The following EZH2 variants were observed in gnomAD, a reference collection of about 807,000 sequenced individuals.
EZH2 encodes the protein histone-lysine N-methyltransferase EZH2.
Under a neutral mutation model 98.4 loss-of-function variants are expected in EZH2, and 18 were observed. That is an observed-to-expected ratio of 0.18 (90% CI 0.13 to 0.27). The LOEUF (loss-of-function observed/expected upper bound fraction) is 0.27, where lower values mean the gene tolerates loss of function less well. EZH2 is among the 10% of genes least tolerant of loss of function. EZH2 has a pLI of 1.00. For missense variants in EZH2, 470 were observed against 935.1 expected (o/e 0.50, Z 6.49); for synonymous variants, 338 against 312.3 (o/e 1.08, Z -0.87).
chr7:148,817,506 C>T (rs941718434), intron 10 of EZH2, 115 bp from the exon 11 acceptor site: 23 of 975,944 alleles, frequency 2.4e-5, no homozygotes, highest in Middle Eastern at 2.3e-4. Context: ...CAAATCCAAT[C>T]GGCAAAACAC....
At chr7:148,854,328 C>T (rs1042122436) in intron 1 of EZH2, among the ~76,000 whole-genome samples, 7 of 150,796 alleles carry the variant, frequency 4.6e-5, no homozygotes, top group African/African-American at 1.5e-4. Flanking sequence ...CCCAGCTACT[C>T]GGGATGCTGA....
At chr7:148,856,530 CT>C (rs2129487421) in intron 1 of EZH2, among the ~76,000 whole-genome samples, 1 of 152,290 alleles carries the variant, frequency 6.6e-6, no homozygotes, top group African/African-American at 2.4e-5. Context: ...TAAGCATACC[CT>C]GCACCCAAGA....
chr7:148,862,908 T>TG (rs1481562638), intron 1 of EZH2, among the ~76,000 whole-genome samples: 1 of 145,052 alleles, frequency 6.9e-6, no homozygotes, highest in African/African-American at 2.6e-5. Flanking sequence ...TTTTTGTTTG[T>TG]TTTTGTTTTG....
At chr7:148,868,661 G>C (rs2129490496) in intron 1 of EZH2, among the ~76,000 whole-genome samples, 1 of 152,286 alleles carries the variant, frequency 6.6e-6, no homozygotes, top group South Asian at 2.1e-4. Context: ...AGGATGAGTG[G>C]CTGACATTAA....
rs112932272 is a variant in EZH2, at chr7:148,828,887, C to T, written c.485-7G>A. 1.9e-3 allele frequency: 3,082 copies of T among 1,599,316 alleles called. 46 individuals carry two copies. In the African/African-American group the frequency reaches 0.034, roughly 18 times the overall value. On this transcript the variant is annotated splice_polypyrimidine_tract_variant and splice_region_variant and intron_variant, in intron 5 of 19. Transcript: ENST00000320356. ...TCATTTATAAACCCACATTCTGAAA[C>T]GCATCAAATGTCAGAAACACACAGG...
intron 1 of EZH2, among the ~76,000 whole-genome samples, chr7:148,861,477 T>C (rs967677878): frequency 2.0e-5 from 3 of 152,154 alleles, no homozygotes; most frequent in Non-Finnish European, 4.4e-5. Context: ...TCCACCCGGA[T>C]TGGCCTCCCA....
chr7:148,875,232 G>A (rs951643945), intron 1 of EZH2, among the ~76,000 whole-genome samples: 2 of 152,044 alleles, frequency 1.3e-5, no homozygotes, highest in Non-Finnish European at 2.9e-5. Flanking sequence ...TAAATGACTC[G>A]TGAATTAAGG....
intron 1 of EZH2, 72 bp from the exon 2 acceptor site, chr7:148,847,377 G>T (rs1225120642): frequency 1.9e-6 from 3 of 1,554,884 alleles, no homozygotes; most frequent in Admixed American, 1.8e-5. Flanking sequence ...GTTTTAATCC[G>T]CAGCAAACTA....
intron 8 of EZH2, among the ~76,000 whole-genome samples, chr7:148,821,599 A>G (rs895421238): frequency 1.3e-5 from 2 of 152,116 alleles, no homozygotes; most frequent in African/African-American, 4.8e-5. Flanking sequence ...CCAAAGTAGG[A>G]GCATCACTTG....
chr7:148,854,056 T>TA (rs1332874157), intron 1 of EZH2, among the ~76,000 whole-genome samples: 2 of 152,188 alleles, frequency 1.3e-5, no homozygotes, highest in Non-Finnish European at 2.9e-5. Flanking sequence ...GGTATTTACC[T>TA]AAATCAGACA....
At position 148,828,851 on chromosome 7, in the gene EZH2, C is replaced by T; in HGVS notation, c.514G>A (p.Val172Met). Residue 172 changes from valine to methionine, a missense_variant, in exon 6 of 20, where the codon GTG becomes ATG. By Grantham distance (21) the Val-to-Met change is conservative (BLOSUM62 1). Around this residue, in one of 6 missense-constraint regions of EZH2, gnomAD observed 69 missense variants for 78.3 expected, o/e 0.88. Coordinates refer to ENST00000320356, the MANE Select transcript of EZH2 (RefSeq NM_004456.5). ...TGACCAAGGGCATTCACCAACTCCA[C>T]AAAAATTTCATCATTTATAAACCCA... The part of the protein sequence containing the change: ...ECGFINDEIF[V>M]ELVNALGQYN... 1.2e-6 allele frequency: 2 copies of T among 1,612,890 alleles called. No individual in the cohort carries two copies. The highest frequency in any genetic ancestry group is 1.7e-6 in the Non-Finnish European group (2 of 1,179,538).
chr7:148,861,839 C>T (rs1192915667), intron 1 of EZH2, among the ~76,000 whole-genome samples: 2 of 150,784 alleles, frequency 1.3e-5, no homozygotes, highest in African/African-American at 4.9e-5. Context: ...GTAAGTGGTG[C>T]TTTACATTTT....
chr7:148,883,527 C>G (rs996341058), intron 1 of EZH2: 1 of 150,554 alleles, frequency 6.6e-6, no homozygotes, highest in Admixed American at 6.6e-5. Context: ...CGCCGCGGCC[C>G]CAGCCCGGGG....
chr7:148,809,309 C>T lies in EZH2; in HGVS notation c.2110+1G>A, dbSNP rs2129467653. The T allele has an allele frequency of 6.2e-7, 1 of 1,601,198 alleles. No individual in the cohort carries two copies. The highest frequency in any genetic ancestry group is 8.6e-7 in the Non-Finnish European group (1 of 1,168,882). ...CCAATTCTCACGTCAAAGGTACCTA[C>T]CTTTTGCATAGCAGTTTGGATTTAC... On this transcript the variant is annotated splice_donor_variant, in intron 18 of 19. Coordinates refer to ENST00000320356, the MANE Select transcript of EZH2 (RefSeq NM_004456.5). LOFTEE classifies it high-confidence loss of function.
intron 9 of EZH2, 68 bp from the exon 10 acceptor site, chr7:148,818,185 AATACT>A: frequency 6.8e-7 from 1 of 1,478,226 alleles, no homozygotes; most frequent in Non-Finnish European, 9.0e-7. Context: ...GAGAAAAAAA[AATACT>A]ATATAAGCCA....
chr7:148,878,777 T>C (rs1820524335), intron 1 of EZH2, among the ~76,000 whole-genome samples: 2 of 151,976 alleles, frequency 1.3e-5, no homozygotes, highest in South Asian at 2.1e-4. Context: ...CATGCACTTG[T>C]AGTCCCAGCT....
chr7:148,861,287 C>T (rs890620926), intron 1 of EZH2, among the ~76,000 whole-genome samples: 26 of 149,692 alleles, frequency 1.7e-4, no homozygotes, highest in Admixed American at 4.0e-4. Flanking sequence ...AGTGCAGTGG[C>T]GCAATCTTGG....
chr7:148,862,599 T>G (rs1433045040), intron 1 of EZH2, among the ~76,000 whole-genome samples: 3 of 152,058 alleles, frequency 2.0e-5, no homozygotes, highest in African/African-American at 7.2e-5. Flanking sequence ...TAAGTAAAAA[T>G]GAAATTTCCA....
chr7:148,824,427 A>G (rs754373143), intron 8 of EZH2, among the ~76,000 whole-genome samples: 1 of 152,096 alleles, frequency 6.6e-6, no homozygotes, highest in Non-Finnish European at 1.5e-5. Flanking sequence ...ATAATATTGT[A>G]TTTTTACTGT....
Sources: allele counts gnomAD v4.1 joint callset (sites outside exome capture counted in the v4.1 genomes callset), GRCh38; gene constraint gnomAD v4.1.1; regional missense constraint gnomAD v4.1.1; transcripts MANE v1.5; gene names NCBI Gene and HGNC (gene_info 2026-07-23, HGNC 2026-07-21).